Variants in CIT observed in about 807,000 individuals in gnomAD.
CIT encodes the protein citron rho-interacting serine/threonine kinase.
In CIT, 79 loss-of-function variants were observed where a neutral mutation model predicts 272.7. The observed-to-expected ratio is 0.29, with a 90% CI of 0.24 to 0.35. The LOEUF (loss-of-function observed/expected upper bound fraction) is 0.35. CIT is among the 10% of genes least tolerant of loss of function. The pLI is 1.00. For synonymous variants in CIT, 948 were observed against 995.6 expected (o/e 0.95, Z 0.90); for missense variants, 1,909 against 2,618.3 (o/e 0.73, Z 5.91).
intron 7 of CIT, among the ~76,000 whole-genome samples, chr12:119,827,413 G>A (rs1968260126): frequency 6.7e-6 from 1 of 150,032 alleles, no homozygotes; most frequent in Non-Finnish European, 1.5e-5. Flanking sequence ...AAAGGGTTTT[G>A]GTTAAAATGC....
intron 9 of CIT, among the ~76,000 whole-genome samples, chr12:119,805,445 C>T (rs982536913): frequency 6.6e-6 from 1 of 152,204 alleles, no homozygotes; most frequent in African/African-American, 2.4e-5. Flanking sequence ...GCTATTATTG[C>T]TACTGCTCAC....
chr12:119,869,016 TTC>T, intron 3 of CIT, 42 bp downstream of exon 3: 4 of 1,601,532 alleles, frequency 2.5e-6, no homozygotes, highest in East Asian at 2.2e-5. Flanking sequence ...TTTCTAGTTT[TTC>T]TCTCTCAGGA....
At chr12:119,729,024 T>C (rs931462537) in intron 27 of CIT, among the ~76,000 whole-genome samples, 1 of 152,234 alleles carries the variant, frequency 6.6e-6, no homozygotes, top group Admixed American at 6.5e-5. Context: ...ATGCAAATAA[T>C]GACTGCTCTG....
intron 47 of CIT, 50 bp from the exon 48 acceptor site, chr12:119,688,305 T>C (rs1439053259): frequency 1.9e-6 from 3 of 1,567,046 alleles, no homozygotes. Flanking sequence ...CAGAAGTTGC[T>C]GTGCTCACCT....
intron 7 of CIT, among the ~76,000 whole-genome samples, chr12:119,831,742 G>A (rs1395637361): frequency 7.2e-5 from 11 of 152,114 alleles, no homozygotes; most frequent in African/African-American, 2.4e-4. Flanking sequence ...GGTGGCGGGC[G>A]CTTGCAGTCC....
chr12:119,752,294 C>A, intron 22 of CIT, 47 bp from the exon 23 acceptor site: 3 of 1,523,834 alleles, frequency 2.0e-6, no homozygotes, highest in South Asian at 1.2e-5. Flanking sequence ...CTTGCTTGGT[C>A]TGAACAAAAG....
intron 10 of CIT, among the ~76,000 whole-genome samples, chr12:119,790,515 T>G (rs1374622759): frequency 6.6e-6 from 1 of 152,152 alleles, no homozygotes; most frequent in African/African-American, 2.4e-5. Context: ...TTTCCTTTGT[T>G]CTCAAAATTC....
At chr12:119,816,732 G>T (rs997645142) in intron 9 of CIT, among the ~76,000 whole-genome samples, 1 of 152,230 alleles carries the variant, frequency 6.6e-6, no homozygotes, top group Non-Finnish European at 1.5e-5. Flanking sequence ...AGTATTGAGA[G>T]ATTCAGATTA....
intron 12 of CIT, 24 bp from the exon 13 acceptor site, chr12:119,782,661 A>G: frequency 1.2e-6 from 2 of 1,612,882 alleles, no homozygotes; most frequent in Non-Finnish European, 1.7e-6. Flanking sequence ...AAATTTTAAT[A>G]GGGATGCCCT....
intron 20 of CIT, 96 bp from the exon 21 acceptor site, chr12:119,758,796 A>G: frequency 1.2e-6 from 1 of 820,364 alleles, no homozygotes. Flanking sequence ...AATGACGGCA[A>G]TTTGGCTAGA....
chr12:119,740,413 G>A (rs1353477380), intron 24 of CIT, among the ~76,000 whole-genome samples: 2 of 151,990 alleles, frequency 1.3e-5, no homozygotes, highest in African/African-American at 2.4e-5. Context: ...GATAAAATTT[G>A]GATAACCTTA....
intron 9 of CIT, among the ~76,000 whole-genome samples, chr12:119,815,776 G>C (rs1024288748): frequency 6.6e-6 from 1 of 152,126 alleles, no homozygotes; most frequent in South Asian, 2.1e-4. Flanking sequence ...GGTTGTGCTA[G>C]TGTTATAGGA....
intron 22 of CIT, among the ~76,000 whole-genome samples, chr12:119,756,661 G>A (rs968985078): frequency 1.3e-5 from 2 of 152,168 alleles, no homozygotes; most frequent in African/African-American, 2.4e-5. Context: ...CTACTGGGGC[G>A]TGGGAAGATG....
chr12:119,807,144 C>A (rs928248667), intron 9 of CIT, among the ~76,000 whole-genome samples: 1 of 152,194 alleles, frequency 6.6e-6, no homozygotes, highest in African/African-American at 2.4e-5. Context: ...TACGTTGTAA[C>A]AAGGTCCCCA....
chr12:119,861,536 G>A (rs10849703), intron 3 of CIT, among the ~76,000 whole-genome samples: 28,662 of 151,472 alleles, frequency 0.19, 3,038 homozygotes, highest in East Asian at 0.38. Context: ...GCAGTGAGCC[G>A]AGATCGCGCC....
At chr12:119,689,507 CAT>C (rs1486185141) in intron 47 of CIT, among the ~76,000 whole-genome samples, 3 of 152,054 alleles carry the variant, frequency 2.0e-5, no homozygotes. Context: ...GGAGAGCACA[CAT>C]ATATATTTGC....
chr12:119,754,203 G>A (rs1960640833), intron 22 of CIT, among the ~76,000 whole-genome samples: 1 of 152,218 alleles, frequency 6.6e-6, no homozygotes, highest in African/African-American at 2.4e-5. Context: ...CTGTGGCACT[G>A]AGAGATTAGG....
At chr12:119,704,545 A>G in intron 40 of CIT, 90 bp from the exon 41 acceptor site, 1 of 1,119,994 alleles carries the variant, frequency 8.9e-7, no homozygotes, top group South Asian at 1.3e-5. Flanking sequence ...GCTCAGCGCC[A>G]TTGATGATTC....
intron 9 of CIT, among the ~76,000 whole-genome samples, chr12:119,810,062 T>A (rs1178359492): frequency 6.6e-6 from 1 of 152,236 alleles, no homozygotes; most frequent in Admixed American, 6.5e-5. Flanking sequence ...TCCCAAGTTC[T>A]GTGAGCAGCT....
Sources: gnomAD v4.1 joint callset for allele counts (sites outside exome capture counted in the v4.1 genomes callset) on GRCh38, gnomAD v4.1.1 for gene constraint, MANE v1.5 for transcripts, NCBI Gene and HGNC (gene_info 2026-07-23, HGNC 2026-07-21) for gene names.